Variants in SUGCT observed in about 807,000 individuals in gnomAD.
SUGCT encodes the protein succinyl-CoA:glutarate-CoA transferase.
A neutral mutation model predicts 55.0 loss-of-function variants in SUGCT; 41 were observed. That is an observed-to-expected ratio of 0.74 (90% CI 0.58 to 0.97). SUGCT has a LOEUF of 0.97. SUGCT is among the 50% of genes least tolerant of loss of function. The probability of loss-of-function intolerance (pLI) is 0.00; values close to 1 mark genes in which losing one functional copy is unlikely to be tolerated. For missense variants in SUGCT, 568 were observed against 547.8 expected, an observed-to-expected ratio of 1.04 and a Z score of -0.37; for synonymous variants, 187 against 200.4, an observed-to-expected ratio of 0.93 and a Z score of 0.56.
intron 6 of SUGCT, among the ~76,000 whole-genome samples, chr7:40,204,304 AT>A (rs1226033647): frequency 0.028 from 3,795 of 135,308 alleles, 101 homozygotes; most frequent in African/African-American, 0.081. Flanking sequence ...CTACTTGGGA[AT>A]TTTTTTTTTT....
At position 40,459,106 on chromosome 7, in the gene SUGCT, G is replaced by A. The variant is rs765439218; in HGVS notation, c.894G>A (p.Leu298=). The A allele has an allele frequency of 3.1e-6, 5 of 1,606,504 alleles. No individual in the cohort carries two copies. Among genetic ancestry groups the A allele is most frequent in the South Asian group, 1.1e-5 (1 of 90,818 alleles). The part of the protein sequence containing the change: ...NQQFATVCKI[L]DLPELIDNSK... ...AAATTATTTTTTTCTTTTAGATCTT[G>A]GATTTGCCTGAGTTGATTGATAATT... The change falls in exon 11 of 14, where the codon TTG becomes TTA. Residue 298 remains leucine (L), a synonymous_variant. Transcript: ENST00000335693.
chr7:40,950,899 G>C, the SUGCT span, among the ~76,000 whole-genome samples: 1 of 152,270 alleles, frequency 6.6e-6, no homozygotes, highest in East Asian at 1.9e-4. Flanking sequence ...GTTCATCGGG[G>C]ATATTGGACT....
intron 9 of SUGCT, among the ~76,000 whole-genome samples, chr7:40,377,186 C>CT (rs1300746604): frequency 7.4e-5 from 1 of 13,528 alleles, no homozygotes; most frequent in Non-Finnish European, 4.4e-4. Flanking sequence ...TTCTTTCTTT[C>CT]TTTCTTTCTT....
chr7:40,644,491 C>T (rs578033873), intron 12 of SUGCT, among the ~76,000 whole-genome samples: 1 of 152,312 alleles, frequency 6.6e-6, no homozygotes, highest in South Asian at 2.1e-4. Context: ...ATGGGTGGAT[C>T]TATGTTTCAC....
chr7:40,744,179 C>T (rs551208575), intron 12 of SUGCT, among the ~76,000 whole-genome samples: 3 of 152,020 alleles, frequency 2.0e-5, no homozygotes, highest in South Asian at 2.1e-4. Flanking sequence ...CCACCTGCCT[C>T]GGCCTCCCAA....
chr7:40,369,525 T>A (rs1344821011), intron 9 of SUGCT, among the ~76,000 whole-genome samples: 1 of 152,160 alleles, frequency 6.6e-6, no homozygotes, highest in African/African-American at 2.4e-5. Flanking sequence ...TCTGGCCCCT[T>A]ATGGAATATT....
intron 9 of SUGCT, among the ~76,000 whole-genome samples, chr7:40,445,520 A>G (rs1788777460): frequency 6.6e-6 from 1 of 152,142 alleles, no homozygotes; most frequent in Admixed American, 6.6e-5. Context: ...TCTACCAACC[A>G]AAAAAGTCTA....
At chr7:40,751,615 T>G (rs1490157789) in intron 13 of SUGCT, among the ~76,000 whole-genome samples, 1 of 152,164 alleles carries the variant, frequency 6.6e-6, no homozygotes, top group Non-Finnish European at 1.5e-5. Context: ...TTAGGCTGAT[T>G]GATAGGTTAG....
the SUGCT span, among the ~76,000 whole-genome samples, chr7:41,017,688 G>A: frequency 4.0e-5 from 6 of 151,094 alleles, no homozygotes; most frequent in East Asian, 7.9e-4. Context: ...GGAGAATGGC[G>A]TGAACCCTGG....
the SUGCT span, among the ~76,000 whole-genome samples, chr7:40,952,258 T>C: frequency 1.3e-5 from 2 of 152,134 alleles, no homozygotes; most frequent in Non-Finnish European, 2.9e-5. Flanking sequence ...CTGTGTTATC[T>C]GAGACTAGGA....
chr7:40,441,234 A>G (rs1788497812), intron 9 of SUGCT, among the ~76,000 whole-genome samples: 2 of 152,186 alleles, frequency 1.3e-5, no homozygotes, highest in South Asian at 4.1e-4. Context: ...AGAGATGTCA[A>G]AACTGAGGCT....
intron 13 of SUGCT, among the ~76,000 whole-genome samples, chr7:40,838,591 T>C (rs1434747651): frequency 6.6e-6 from 1 of 152,120 alleles, no homozygotes; most frequent in African/African-American, 2.4e-5. Context: ...GCTTTTTGCG[T>C]CTTTTATCTT....
At chr7:40,971,112 T>C in the SUGCT span, among the ~76,000 whole-genome samples, 1 of 152,130 alleles carries the variant, frequency 6.6e-6, no homozygotes, top group Non-Finnish European at 1.5e-5. Context: ...CAGCATCTGC[T>C]TGGCTGCCGG....
chr7:40,849,564 A>G (rs1793747281), intron 13 of SUGCT, among the ~76,000 whole-genome samples: 1 of 152,108 alleles, frequency 6.6e-6, no homozygotes, highest in Non-Finnish European at 1.5e-5. Context: ...GTTTCCTGCA[A>G]GTGTTTACAT....
intron 12 of SUGCT, among the ~76,000 whole-genome samples, chr7:40,717,422 C>T (rs1786080350): frequency 6.6e-6 from 1 of 152,184 alleles, no homozygotes; most frequent in Non-Finnish European, 1.5e-5. Flanking sequence ...TCCTCCCGTG[C>T]ACAAGGCGTG....
rs557304920 is a variant in SUGCT at position 40,204,171 on chromosome 7, G to T, written c.484+9111G>T. The stretch of plus-strand genomic sequence containing the variant: ...AACTGGCTAATTTTTTGATTTTTTT[G>T]GTAGAGATGTGGTCTCACTATGTTG... On this transcript the variant is annotated intron_variant, in intron 6 of 13. Coordinates refer to ENST00000335693, the MANE Select transcript of SUGCT (RefSeq NM_001193313.2). Among the ~76,000 whole-genome samples, 181 of 151,940 alleles carry T rather than the reference G, an allele frequency of 1.2e-3. 1 individual carries two copies. The highest frequency in any genetic ancestry group is 4.2e-3 in the African/African-American group (175 of 41,452).
chr7:40,698,091 C>A (rs1165215007), intron 12 of SUGCT, among the ~76,000 whole-genome samples: 2 of 152,190 alleles, frequency 1.3e-5, no homozygotes, highest in Non-Finnish European at 2.9e-5. Flanking sequence ...ATGGGCACTG[C>A]AGGCAAAGTA....
intron 13 of SUGCT, among the ~76,000 whole-genome samples, chr7:40,755,260 T>C (rs745697685): frequency 1.3e-5 from 2 of 152,212 alleles, no homozygotes; most frequent in Admixed American, 6.5e-5. Context: ...GTTTAGCAGA[T>C]GTTCTCATGG....
intron 9 of SUGCT, among the ~76,000 whole-genome samples, chr7:40,370,106 GA>G (rs1206171270): frequency 6.6e-6 from 1 of 152,160 alleles, no homozygotes; most frequent in Non-Finnish European, 1.5e-5. Flanking sequence ...CCACTAGTGG[GA>G]ATGTGTATTT....
Sources: allele counts gnomAD v4.1 joint callset (sites outside exome capture counted in the v4.1 genomes callset), GRCh38; gene constraint gnomAD v4.1.1; transcripts MANE v1.5; gene names NCBI Gene and HGNC (gene_info 2026-07-23, HGNC 2026-07-21).